Variants in CFDP1 observed in about 807,000 individuals in gnomAD.
CFDP1 encodes the protein heterochromatin-stabilizing protein CFDP1.
Under a neutral mutation model 40.1 loss-of-function variants are expected in CFDP1, and 31 were observed. That is an observed-to-expected ratio of 0.77 (90% CI 0.58 to 1.04). CFDP1 has a LOEUF of 1.04. Ranked by LOEUF, CFDP1 falls within the 50% of genes least tolerant of loss-of-function variation. CFDP1 has a pLI of 0.00. For missense variants in CFDP1, 423 were observed against 343.4 expected (o/e 1.23, Z -1.83); for synonymous variants, 167 against 120.0 (o/e 1.39, Z -2.56).
chr16:75,326,850 G>T (rs148109205), intron 5 of CFDP1, among the ~76,000 whole-genome samples: 1 of 152,202 alleles, frequency 6.6e-6, no homozygotes, highest in African/African-American at 2.4e-5. Context: ...CACCTATAAC[G>T]TTATACCCAG....
At position 75,410,908 on chromosome 16, in the gene CFDP1, CAAAAAAAAAAAAA is replaced by C. The variant is rs74355496; in HGVS notation, c.530+904_530+916del. Among the ~76,000 whole-genome samples the C allele has an allele frequency of 9.6e-5, 6 of 62,608 alleles. No individual in the cohort carries two copies. The East Asian group carries it at 3.3e-3, about 35-fold the overall frequency. 41.1% of individuals were successfully genotyped at this position (62,608 alleles called of 152,430 possible). A position where few individuals can be genotyped will look rare whatever the true frequency, so the allele number is the denominator to read the frequency against. Reference sequence around the variant, plus strand: ...TGGGCGACAGAGCAAGACTCTGTCTCAAAAAAAAAAAAAAAAAAGAAAAAAAAAGGCCAGGAGT... The same window carrying C: ...TGGGCGACAGAGCAAGACTCTGTCTCAAAAAGAAAAAAAAAGGCCAGGAGT... On this transcript the variant is annotated intron_variant, in intron 4 of 6. Coordinates refer to ENST00000283882, the MANE Select transcript of CFDP1 (RefSeq NM_006324.3).
intron 5 of CFDP1, among the ~76,000 whole-genome samples, chr16:75,337,241 C>T (rs1046212085): frequency 1.3e-5 from 2 of 152,206 alleles, no homozygotes; most frequent in African/African-American, 2.4e-5. Flanking sequence ...AATGATGACA[C>T]TGGGAGAGGG....
At chr16:75,329,795 G>A (rs2078432089) in intron 5 of CFDP1, among the ~76,000 whole-genome samples, 1 of 152,292 alleles carries the variant, frequency 6.6e-6, no homozygotes, top group South Asian at 2.1e-4. Context: ...TTGTTTTAAT[G>A]AATTTATCCA....
chr16:75,380,919 TGA>T (rs1230848177), intron 5 of CFDP1, among the ~76,000 whole-genome samples: 2 of 152,234 alleles, frequency 1.3e-5, no homozygotes, highest in South Asian at 2.1e-4. Flanking sequence ...AGGATTTTTT[TGA>T]GAGTTAGCAA....
chr16:75,425,556 T>C (rs762523776), intron 1 of CFDP1, among the ~76,000 whole-genome samples: 2 of 151,358 alleles, frequency 1.3e-5, no homozygotes, highest in Admixed American at 6.6e-5. Flanking sequence ...AATAAACCTA[T>C]ACAAGTATGG....
chr16:75,427,099 T>A (rs2079350850), intron 1 of CFDP1, among the ~76,000 whole-genome samples: 2 of 148,778 alleles, frequency 1.3e-5, no homozygotes. Context: ...ATATCCAGAA[T>A]ATATAATTCC....
intron 4 of CFDP1, chr16:75,406,443 C>G (rs923977051): frequency 6.6e-6 from 1 of 152,186 alleles, no homozygotes; most frequent in African/African-American, 2.4e-5. Flanking sequence ...TGGCTCATAC[C>G]TGTAATCCCA....
Position 75,350,994 on chromosome 16 carries a change from C to CAA in CFDP1, c.650+44094_650+44095dup, listed in dbSNP as rs138729725. Among the ~76,000 whole-genome samples the CAA allele has an allele frequency of 3.6e-4, 54 of 150,572 alleles. 1 individual carries two copies. The highest frequency in any genetic ancestry group is 2.8e-3 in the Admixed American group (42 of 15,118). On this transcript the variant is annotated intron_variant, in intron 5 of 6. Coordinates refer to ENST00000283882, the MANE Select transcript of CFDP1 (RefSeq NM_006324.3). ...TTTCTAGTGAGATAAAATCTAATGA[C>CAA]AAAAAAAAACTGCAAAAACAAAACA...
chr16:75,341,973 TTTCTC>T (rs1184766049), intron 5 of CFDP1, among the ~76,000 whole-genome samples: 2 of 152,230 alleles, frequency 1.3e-5, no homozygotes, highest in Non-Finnish European at 2.9e-5. Context: ...CTGTGGTCTC[TTTCTC>T]TTCTAAAACT....
chr16:75,391,114 T>C (rs907514420), intron 5 of CFDP1, among the ~76,000 whole-genome samples: 1 of 152,226 alleles, frequency 6.6e-6, no homozygotes, highest in Non-Finnish European at 1.5e-5. Flanking sequence ...CATTTCTCCA[T>C]TCTTTAGTTA....
At chr16:75,354,935 T>C (rs1306947200) in intron 5 of CFDP1, among the ~76,000 whole-genome samples, 1 of 152,220 alleles carries the variant, frequency 6.6e-6, no homozygotes, top group African/African-American at 2.4e-5. Context: ...GGAGATATTT[T>C]GGGTTCAGTT....
intron 6 of CFDP1, among the ~76,000 whole-genome samples, chr16:75,302,239 C>T (rs1219861928): frequency 6.6e-6 from 1 of 152,062 alleles, no homozygotes; most frequent in Non-Finnish European, 1.5e-5. Context: ...TTAACAGCAC[C>T]ATTCCTTACT....
chr16:75,344,532 T>G (rs902922477), intron 5 of CFDP1, among the ~76,000 whole-genome samples: 4 of 152,156 alleles, frequency 2.6e-5, no homozygotes, highest in African/African-American at 9.7e-5. Context: ...TGTATTCACC[T>G]AAGAAAAACC....
intron 4 of CFDP1, among the ~76,000 whole-genome samples, chr16:75,402,917 A>G (rs2097450245): frequency 7.0e-6 from 1 of 143,112 alleles, no homozygotes; most frequent in South Asian, 2.1e-4. Context: ...TGTTATATAT[A>G]TTATATATCT....
chr16:75,357,464 A>G (rs1304369647), intron 5 of CFDP1, among the ~76,000 whole-genome samples: 1 of 152,118 alleles, frequency 6.6e-6, no homozygotes, highest in African/African-American at 2.4e-5. Flanking sequence ...CATATTGGCC[A>G]GGCTGGTCTC....
intron 1 of CFDP1, among the ~76,000 whole-genome samples, chr16:75,422,479 G>C (rs1299956182): frequency 2.1e-5 from 3 of 144,738 alleles, no homozygotes; most frequent in African/African-American, 7.9e-5. Context: ...GGCTCACTAC[G>C]ATCCTCCCGG....
intron 5 of CFDP1, among the ~76,000 whole-genome samples, chr16:75,314,995 G>T (rs913620734): frequency 6.6e-5 from 10 of 152,014 alleles, no homozygotes; most frequent in Non-Finnish European, 1.3e-4. Context: ...CAAGTGATCC[G>T]CCTGCCTCAG....
Position 75,300,078 on chromosome 16 carries a change from T to G in CFDP1, c.809+4946A>C, listed in dbSNP as rs188785327. Among the ~76,000 whole-genome samples, 281 of 152,238 alleles carry G rather than the reference T, an allele frequency of 1.8e-3. 2 individuals carry two copies. The highest frequency in any genetic ancestry group is 3.3e-3 in the Admixed American group (51 of 15,296). The stretch of plus-strand genomic sequence containing the variant: ...TCCGCAGGGAAGAGATGAAAAATGG[T>G]ATTTTTAAATTACTGCTTCCGCTGC... On this transcript the variant is annotated intron_variant, in intron 6 of 6. Coordinates refer to ENST00000283882, the MANE Select transcript of CFDP1 (RefSeq NM_006324.3).
chr16:75,318,557 T>C (rs971667540), intron 5 of CFDP1, among the ~76,000 whole-genome samples: 1 of 151,960 alleles, frequency 6.6e-6, no homozygotes, highest in Non-Finnish European at 1.5e-5. Flanking sequence ...AGGTGCATGC[T>C]GCCATGCCTA....
Sources: gnomAD v4.1 joint callset for allele counts (sites outside exome capture counted in the v4.1 genomes callset) on GRCh38, gnomAD v4.1.1 for gene constraint, MANE v1.5 for transcripts, NCBI Gene and HGNC (gene_info 2026-07-23, HGNC 2026-07-21) for gene names.